Variants in SEMA6D observed in about 807,000 individuals in gnomAD.
The protein encoded by SEMA6D is semaphorin-6D.
In SEMA6D, 35 loss-of-function variants were observed where a neutral mutation model predicts 106.6. The ratio of observed to expected loss-of-function variants is 0.33; its 90% confidence interval spans 0.25 to 0.44. The LOEUF is 0.44. Among genes scored for constraint, SEMA6D ranks in the 20% least tolerant of loss-of-function variants. SEMA6D has a pLI of 1.00. For missense variants in SEMA6D, 1,185 were observed against 1,345.9 expected (o/e 0.88, Z 1.87); for synonymous variants, 499 against 487.7 (o/e 1.02, Z -0.31).
At chr15:47,375,000 A>G (rs914657266) in intron 1 of SEMA6D, among the ~76,000 whole-genome samples, 3 of 152,202 alleles carry the variant, frequency 2.0e-5, no homozygotes, top group African/African-American at 7.2e-5. Context: ...CCCACAGGGC[A>G]CTTCATAACT....
intron 2 of SEMA6D, among the ~76,000 whole-genome samples, chr15:47,444,116 C>G (rs145011500): frequency 1.2e-3 from 181 of 152,150 alleles, no homozygotes; most frequent in African/African-American, 4.2e-3. Flanking sequence ...GACTTTTTTC[C>G]CTGTGTCTAT....
At chr15:47,428,957 A>T (rs1485477520) in intron 2 of SEMA6D, among the ~76,000 whole-genome samples, 1 of 151,638 alleles carries the variant, frequency 6.6e-6, no homozygotes, top group Non-Finnish European at 1.5e-5. Flanking sequence ...GGAAAGAAGC[A>T]AGGAAGGGCC....
chr15:47,687,181 A>G (rs770097244), intron 4 of SEMA6D, among the ~76,000 whole-genome samples: 1 of 152,172 alleles, frequency 6.6e-6, no homozygotes, highest in African/African-American at 2.4e-5. Context: ...ATAAAATGAA[A>G]GCTCCTGGAC....
intron 1 of SEMA6D, among the ~76,000 whole-genome samples, chr15:47,240,207 G>A (rs2032819629): frequency 6.6e-6 from 1 of 152,070 alleles, no homozygotes; most frequent in South Asian, 2.1e-4. Flanking sequence ...CAGCTTGTTG[G>A]CATTTTACTA....
chr15:47,298,957 C>T (rs1175099054), intron 1 of SEMA6D, among the ~76,000 whole-genome samples: 1 of 152,176 alleles, frequency 6.6e-6, no homozygotes, highest in Non-Finnish European at 1.5e-5. Context: ...AAGGTATTCT[C>T]CATTATCCCC....
At chr15:47,525,646 G>A (rs1177180547) in intron 3 of SEMA6D, among the ~76,000 whole-genome samples, 1 of 151,994 alleles carries the variant, frequency 6.6e-6, no homozygotes, top group African/African-American at 2.4e-5. Context: ...AATTGCTATC[G>A]ACTACTCATC....
At chr15:47,543,277 G>T (rs2142253723) in intron 3 of SEMA6D, among the ~76,000 whole-genome samples, 2 of 152,246 alleles carry the variant, frequency 1.3e-5, no homozygotes, top group Middle Eastern at 6.8e-3. Flanking sequence ...ACCTCGAATT[G>T]TAATAATCCC....
At chr15:47,374,345 G>A (rs2039377697) in intron 1 of SEMA6D, among the ~76,000 whole-genome samples, 1 of 152,108 alleles carries the variant, frequency 6.6e-6, no homozygotes, top group African/African-American at 2.4e-5. Context: ...ATCTGTTAAA[G>A]GGATAAGAAT....
At chr15:47,357,130 C>T (rs1013395542) in intron 1 of SEMA6D, among the ~76,000 whole-genome samples, 120 of 151,962 alleles carry the variant, frequency 7.9e-4, no homozygotes, top group African/African-American at 2.8e-3. Flanking sequence ...GTCAGGAGAT[C>T]GAGACCATCC....
intron 1 of SEMA6D, among the ~76,000 whole-genome samples, chr15:47,279,097 G>A (rs1414960001): frequency 3.9e-4 from 1 of 2,592 alleles, no homozygotes; most frequent in Admixed American, 0.012. Flanking sequence ...GGCGATGCGC[G>A]CTCTTTAATT....
At chr15:47,257,924 G>A (rs2142033813) in intron 1 of SEMA6D, among the ~76,000 whole-genome samples, 1 of 152,150 alleles carries the variant, frequency 6.6e-6, no homozygotes, top group Non-Finnish European at 1.5e-5. Context: ...AATGTATTTT[G>A]AGGTTATGTT....
At chr15:47,308,201 T>C (rs2036305782) in intron 1 of SEMA6D, among the ~76,000 whole-genome samples, 1 of 152,180 alleles carries the variant, frequency 6.6e-6, no homozygotes, top group African/African-American at 2.4e-5. Context: ...GTGTACATAT[T>C]CTACATAGGT....
chr15:47,672,611 A>G (rs941432885), intron 4 of SEMA6D, among the ~76,000 whole-genome samples: 5 of 152,310 alleles, frequency 3.3e-5, no homozygotes, highest in African/African-American at 7.2e-5. Context: ...TAAAATTTTT[A>G]TCAGCAATCT....
At chr15:47,757,833 G>T (rs2147576341) in intron 1 of SEMA6D, among the ~76,000 whole-genome samples, 1 of 152,284 alleles carries the variant, frequency 6.6e-6, no homozygotes, top group African/African-American at 2.4e-5. Flanking sequence ...TCTCCAGTAG[G>T]AAATGGGTAG....
intron 1 of SEMA6D, among the ~76,000 whole-genome samples, chr15:47,209,439 T>C (rs1165307996): frequency 6.6e-6 from 1 of 152,200 alleles, no homozygotes; most frequent in East Asian, 1.9e-4. Flanking sequence ...TTTTTGACTT[T>C]CTAAACAAGT....
At chr15:47,538,240 T>C (rs1180791729) in intron 3 of SEMA6D, among the ~76,000 whole-genome samples, 8 of 152,190 alleles carry the variant, frequency 5.3e-5, no homozygotes, top group Admixed American at 5.2e-4. Flanking sequence ...GTTGTTCAAA[T>C]TTCCACTTCC....
chr15:47,509,765 G>A (rs1033859110), intron 3 of SEMA6D, among the ~76,000 whole-genome samples: 2 of 152,096 alleles, frequency 1.3e-5, no homozygotes. Flanking sequence ...TCAAAGTATT[G>A]CCCCTGAACT....
At chr15:47,678,092 T>C (rs1291479785) in intron 4 of SEMA6D, among the ~76,000 whole-genome samples, 7 of 152,164 alleles carry the variant, frequency 4.6e-5, no homozygotes, top group African/African-American at 1.7e-4. Context: ...TTTTACTATT[T>C]TCTTTTTATT....
chr15:47,328,079 G>C (rs1442177224), intron 1 of SEMA6D, among the ~76,000 whole-genome samples: 2 of 152,146 alleles, frequency 1.3e-5, no homozygotes. Context: ...TTCTCCTCCA[G>C]AGTGTTGATC....
Sources: gnomAD v4.1 joint callset for allele counts (sites outside exome capture counted in the v4.1 genomes callset) on GRCh38, gnomAD v4.1.1 for gene constraint, MANE v1.5 for transcripts, NCBI Gene and HGNC (gene_info 2026-07-23, HGNC 2026-07-21) for gene names.